The following MGAM2 variants were observed in gnomAD, a reference collection of about 807,000 sequenced individuals.
MGAM2 encodes the protein maltase-glucoamylase 2 (putative), also known as probable maltase-glucoamylase 2.
Under a neutral mutation model 96.1 loss-of-function variants are expected in MGAM2, and 98 were observed. The ratio of observed to expected loss-of-function variants is 1.02; its 90% CI spans 0.87 to 1.21. The LOEUF is 1.21. MGAM2 is among the 50% of genes most tolerant of loss of function. MGAM2 has a pLI of 0.00. For missense variants in MGAM2, 2,055 were observed against 1,182.4 expected (o/e 1.74, Z -10.82); for synonymous variants, 749 against 414.8 (o/e 1.81, Z -9.79).
At position 142,218,459 on chromosome 7, in the gene MGAM2, GAC is replaced by G. The variant is rs1386418921; in HGVS notation, c.5290_5291del (p.Gln1764SerfsTer6). 1.4e-6 allele frequency: 1 copy of G among 702,166 alleles called. No homozygotes were observed. Among genetic ancestry groups the G allele is most frequent in the Non-Finnish European group, 2.6e-6 (1 of 384,768 alleles). 43.5% of individuals were successfully genotyped at this position (702,166 alleles called of 1,614,324 possible). On this transcript the variant is annotated frameshift_variant, in exon 47 of 48. Transcript: ENST00000477922. LOFTEE classifies it high-confidence loss of function. ...GAATCTGGGGTGTGAATACCTATGT[GAC>G]ACAAGTCAGTTTCACCTATGACAAC... ...IRIWGVNTYVTQVSFTYDNRQ... is the reference protein window; with the variant it reads ...IRIWGVNTYVXQVSFTYDNRQ...
intron 32 of MGAM2, among the ~76,000 whole-genome samples, chr7:142,177,277 C>T (rs562359492): frequency 1.4e-3 from 208 of 152,260 alleles, no homozygotes; most frequent in Non-Finnish European, 2.6e-3. Context: ...GGGAAACTCC[C>T]CTTTTTAAAA....
chr7:142,156,099 C>G (rs1448170746), intron 17 of MGAM2, among the ~76,000 whole-genome samples: 2 of 151,610 alleles, frequency 1.3e-5, no homozygotes, highest in African/African-American at 2.4e-5. Context: ...GTGCTGGGAT[C>G]GCGCCATTGC....
At chr7:142,149,483 G>A (rs1162649346) in intron 15 of MGAM2, among the ~76,000 whole-genome samples, 1 of 151,734 alleles carries the variant, frequency 6.6e-6, no homozygotes, top group Non-Finnish European at 1.5e-5. Context: ...TACCTGAGAT[G>A]TTTACCTAAT....
intron 31 of MGAM2, 99 bp from the exon 32 acceptor site, chr7:142,175,553 G>A (rs1796346910): frequency 1.6e-6 from 1 of 633,514 alleles, no homozygotes; most frequent in African/African-American, 1.8e-5. Context: ...CTGGAATGGG[G>A]CAGGCAGGCA....
intron 46 of MGAM2, among the ~76,000 whole-genome samples, chr7:142,216,066 ATCT>A (rs1797751562): frequency 6.6e-6 from 1 of 152,092 alleles, no homozygotes; most frequent in African/African-American, 2.4e-5. Flanking sequence ...GCACATATAA[ATCT>A]CATGGTCAGC....
In MGAM2 at chr7:142,219,698, GT is replaced by G. The variant is rs377474681; in HGVS notation, c.5359-171del. Among the ~76,000 whole-genome samples the G allele has an allele frequency of 2.9e-3, 440 of 152,258 alleles. 4 individuals carry two copies. Among genetic ancestry groups the G allele is most frequent in the African/African-American group, 0.01 (417 of 41,554 alleles). ...GATTATGCACACAGAGCATCTCTCT[GT>G]ATTTATCTGACCAAAATCAACATGA... On this transcript the variant is annotated intron_variant, in intron 47 of 47. Transcript: ENST00000477922.
At chr7:142,141,167 T>G (rs1321521887) in intron 12 of MGAM2, 48 bp downstream of exon 12, 1 of 684,912 alleles carries the variant, frequency 1.5e-6, no homozygotes, top group Non-Finnish European at 2.6e-6. Context: ...TTTGGGGAGT[T>G]GTACTTTTGG....
At chr7:142,202,750 G>C (rs541762299) in intron 45 of MGAM2, among the ~76,000 whole-genome samples, 1 of 152,118 alleles carries the variant, frequency 6.6e-6, no homozygotes, top group South Asian at 2.1e-4. Context: ...CCATGTCTTT[G>C]TAATTGTAAA....
chr7:142,186,505 A>G (rs1270312938), intron 35 of MGAM2, among the ~76,000 whole-genome samples: 1 of 152,196 alleles, frequency 6.6e-6, no homozygotes, highest in African/African-American at 2.4e-5. Flanking sequence ...TGGAGTTGAG[A>G]GCAAGTAGAC....
rs1392242253 is a variant in MGAM2 at position 142,164,864 on chromosome 7, A to G, written c.2493A>G (p.Leu831=). ...LYDFSVTSNH[L]QAKIINNNYM... ...TTTTTTTCCCCTCCCAGAACCATCT[A>G]CAAGCAAAGATTATAAATAATAATT... is the stretch of plus-strand genomic sequence containing the variant. The change falls in exon 24 of 48, where the codon CTA becomes CTG. Residue 831 remains leucine, a synonymous_variant. Transcript: ENST00000477922. The G allele has an allele frequency of 1.4e-6, 1 of 696,392 alleles. No individual in the cohort carries two copies. Among genetic ancestry groups the G allele is most frequent in the Admixed American group, 2.0e-5 (1 of 48,958 alleles). 43.1% of individuals were successfully genotyped at this position (696,392 alleles called of 1,614,324 possible).
chr7:142,162,524 T>C (rs1449896515), intron 23 of MGAM2, among the ~76,000 whole-genome samples: 1 of 152,062 alleles, frequency 6.6e-6, no homozygotes, highest in African/African-American at 2.4e-5. Flanking sequence ...GAGGGAATTC[T>C]GACTTGATTT....
At chr7:142,172,312 T>G in intron 29 of MGAM2, 118 bp downstream of exon 29, 1 of 553,626 alleles carries the variant, frequency 1.8e-6, no homozygotes, top group Non-Finnish European at 3.2e-6. Flanking sequence ...ACAAATAAAC[T>G]GACTTTCCAT....
Position 142,114,216 on chromosome 7 carries a change from GAGAA to G in MGAM2, c.-1+2423_-1+2426del, listed in dbSNP as rs1270056773. Among the ~76,000 whole-genome samples, 7 of 68,034 alleles carry G rather than the reference GAGAA, an allele frequency of 1.0e-4. 1 individual carries two copies. Among genetic ancestry groups the G allele is most frequent in the South Asian group, 6.2e-4 (1 of 1,616 alleles). The allele number at this position is 68,034 out of a possible 152,430, so 44.6% of individuals were successfully genotyped here. The stretch of plus-strand genomic sequence containing the variant: ...AAAGAAAGAAAGAAAGAAAGAAAGA[GAGAA>G]AGAAAGAAAGAAATAGGAGACTACA... On this transcript the variant is annotated intron_variant, in intron 1 of 47. Transcript: ENST00000477922.
chr7:142,184,253 G>A (rs1030731857), intron 33 of MGAM2, among the ~76,000 whole-genome samples: 176 of 152,138 alleles, frequency 1.2e-3, no homozygotes, highest in African/African-American at 4.0e-3. Context: ...GATTACAGGC[G>A]TAAGCCACTG....
chr7:142,198,778 A>G (rs1362332776), intron 44 of MGAM2, 39 bp downstream of exon 44: 3 of 690,974 alleles, frequency 4.3e-6, no homozygotes, highest in East Asian at 2.7e-5. Context: ...CTCTTGCTAT[A>G]CCGTAATGAG....
intron 14 of MGAM2, among the ~76,000 whole-genome samples, chr7:142,146,932 T>C (rs11768831): frequency 0.19 from 29,290 of 151,944 alleles, 2,981 homozygotes; most frequent in East Asian, 0.26. Context: ...TTCACCATAT[T>C]GGTCAGGCTT....
intron 7 of MGAM2, among the ~76,000 whole-genome samples, chr7:142,134,996 G>C (rs1188028493): frequency 6.6e-6 from 1 of 152,094 alleles, no homozygotes; most frequent in Admixed American, 6.6e-5. Context: ...GATAACAAAG[G>C]GTTTGAGGAA....
At chr7:142,208,451 G>C (rs1442155451) in intron 45 of MGAM2, 122 bp from the exon 46 acceptor site, 1 of 664,198 alleles carries the variant, frequency 1.5e-6, no homozygotes, top group African/African-American at 1.8e-5. Flanking sequence ...GCTCCTCAGA[G>C]AGGTGACAAT....
chr7:142,171,977 C>A, intron 28 of MGAM2, 121 bp from the exon 29 acceptor site: 1 of 415,596 alleles, frequency 2.4e-6, no homozygotes, highest in Non-Finnish European at 4.4e-6. Context: ...CAATGAAGGC[C>A]CAACAAAGGA....
Sources: allele counts gnomAD v4.1 joint callset (sites outside exome capture counted in the v4.1 genomes callset), GRCh38; gene constraint gnomAD v4.1.1; transcripts MANE v1.5; gene names NCBI Gene and HGNC (gene_info 2026-07-23, HGNC 2026-07-21).